RBMS1: variants seen among roughly 807,000 people sequenced by gnomAD.
RBMS1 encodes RNA-binding motif, single-stranded-interacting protein 1.
In RBMS1, 17 loss-of-function variants were observed where a neutral mutation model predicts 62.3. The observed-to-expected ratio is 0.27, with a 90% CI of 0.19 to 0.41. The LOEUF (loss-of-function observed/expected upper bound fraction) is 0.41, where lower values mean the gene tolerates loss of function less well. Ranked by LOEUF, RBMS1 falls within the 10% of genes least tolerant of loss-of-function variation. RBMS1 has a pLI of 1.00. For missense variants in RBMS1, 334 were observed against 504.5 expected, an observed-to-expected ratio of 0.66 and a Z score of 3.24; for synonymous variants, 172 against 170.0, an observed-to-expected ratio of 1.01 and a Z score of -0.09.
At chr2:160,394,992 T>C (rs539425751) in intron 1 of RBMS1, among the ~76,000 whole-genome samples, 1 of 152,326 alleles carries the variant, frequency 6.6e-6, no homozygotes, top group South Asian at 2.1e-4. Flanking sequence ...AACACTAAAA[T>C]GCAAAAGCTT....
At chr2:160,336,419 G>C (rs1239514424) in intron 2 of RBMS1, among the ~76,000 whole-genome samples, 1 of 152,054 alleles carries the variant, frequency 6.6e-6, no homozygotes, top group Non-Finnish European at 1.5e-5. Flanking sequence ...CTCTAAGAAA[G>C]AGGGAACAGG....
At chr2:160,398,650 T>TGTTG (rs1695272286) in intron 1 of RBMS1, among the ~76,000 whole-genome samples, 1 of 152,186 alleles carries the variant, frequency 6.6e-6, no homozygotes, top group Non-Finnish European at 1.5e-5. Flanking sequence ...CCCTCTCCAA[T>TGTTG]TTATTTTAAT....
At chr2:160,450,987 T>C (rs1240046700) in intron 1 of RBMS1, among the ~76,000 whole-genome samples, 2 of 152,002 alleles carry the variant, frequency 1.3e-5, no homozygotes, top group Non-Finnish European at 2.9e-5. Context: ...AGACCCCATC[T>C]CTACAAAAAA....
At chr2:160,468,627 T>C (rs1273048266) in intron 1 of RBMS1, among the ~76,000 whole-genome samples, 1 of 152,062 alleles carries the variant, frequency 6.6e-6, no homozygotes, top group Non-Finnish European at 1.5e-5. Flanking sequence ...CAGGTAAATT[T>C]GATCATTTGG....
intron 7 of RBMS1, 121 bp from the exon 8 acceptor site, chr2:160,285,165 G>C (rs1418550985): frequency 1.1e-6 from 1 of 933,330 alleles, no homozygotes; most frequent in East Asian, 2.5e-5. Context: ...GCTGAGGTGG[G>C]AAGATCCTTT....
intron 1 of RBMS1, among the ~76,000 whole-genome samples, chr2:160,371,339 C>A (rs879917610): frequency 1.3e-5 from 2 of 152,172 alleles, no homozygotes; most frequent in Non-Finnish European, 2.9e-5. Flanking sequence ...TGCCTTGGAA[C>A]GTGAAAAGAC....
At chr2:160,463,966 C>T (rs1684575179) in intron 1 of RBMS1, among the ~76,000 whole-genome samples, 1 of 152,010 alleles carries the variant, frequency 6.6e-6, no homozygotes, top group Non-Finnish European at 1.5e-5. Context: ...GCAGTTAAGC[C>T]ACCTACGATG....
chr2:160,363,047 T>C (rs562559290), intron 2 of RBMS1, among the ~76,000 whole-genome samples: 4 of 152,322 alleles, frequency 2.6e-5, no homozygotes, highest in African/African-American at 7.2e-5. Context: ...TCAGAGACAA[T>C]TGTGTTGTAG....
intron 2 of RBMS1, among the ~76,000 whole-genome samples, chr2:160,351,942 A>G (rs1482419883): frequency 6.6e-6 from 1 of 152,134 alleles, no homozygotes; most frequent in Non-Finnish European, 1.5e-5. Flanking sequence ...TGGCAAAAAT[A>G]TATGCAACAC....
At chr2:160,329,076 T>C (rs1012156390) in intron 2 of RBMS1, among the ~76,000 whole-genome samples, 1 of 152,180 alleles carries the variant, frequency 6.6e-6, no homozygotes, top group East Asian at 1.9e-4. Flanking sequence ...GACTGAACAC[T>C]AACGCTGGCT....
chr2:160,361,697 T>G (rs903114564), intron 2 of RBMS1, among the ~76,000 whole-genome samples: 4 of 152,188 alleles, frequency 2.6e-5, no homozygotes, highest in Non-Finnish European at 5.9e-5. Flanking sequence ...GGTGCACACC[T>G]GTAACTCCAG....
intron 1 of RBMS1, among the ~76,000 whole-genome samples, chr2:160,404,725 A>G (rs928448960): frequency 1.3e-5 from 2 of 152,336 alleles, no homozygotes; most frequent in South Asian, 2.1e-4. Context: ...CCACATTTTT[A>G]TATCAATGCT....
At chr2:160,479,990 T>C (rs1027760047) in intron 1 of RBMS1, among the ~76,000 whole-genome samples, 2 of 152,032 alleles carry the variant, frequency 1.3e-5, no homozygotes, top group Non-Finnish European at 2.9e-5. Flanking sequence ...AAAATACATA[T>C]ATATATAAGA....
intron 1 of RBMS1, among the ~76,000 whole-genome samples, chr2:160,398,755 G>C (rs181075449): frequency 2.0e-5 from 3 of 152,076 alleles, no homozygotes; most frequent in East Asian, 3.9e-4. Context: ...CTGAGCCCCA[G>C]AGCAAAAAAG....
chr2:160,447,197 G>A (rs1242932653), intron 1 of RBMS1, among the ~76,000 whole-genome samples: 2 of 152,078 alleles, frequency 1.3e-5, no homozygotes, highest in Non-Finnish European at 2.9e-5. Flanking sequence ...TTCAAGGTCC[G>A]AGAATGTGGC....
chr2:160,281,276 A>C lies in RBMS1; in HGVS notation c.951+38T>G. On this transcript the variant is annotated intron_variant, in intron 10 of 13. Coordinates refer to ENST00000348849, the MANE Select transcript of RBMS1 (RefSeq NM_016836.4). ...CCTAGAGAGAATATACACATAACTT[A>C]CTTGTAAAACACAAAGTCATTAAGA... is the stretch of plus-strand genomic sequence containing the variant. The C allele has an allele frequency of 2.0e-6, 3 of 1,530,448 alleles. No homozygotes were observed. The South Asian group carries it at 3.6e-5, about 19-fold the overall frequency. The allele number at this position is 1,530,448 out of a possible 1,614,324, so 94.8% of individuals were successfully genotyped here. A position where few individuals can be genotyped will look rare whatever the true frequency, so the allele number is the denominator to read the frequency against.
intron 2 of RBMS1, among the ~76,000 whole-genome samples, chr2:160,354,544 T>C (rs1029555362): frequency 6.6e-6 from 1 of 152,152 alleles, no homozygotes; most frequent in Non-Finnish European, 1.5e-5. Flanking sequence ...CCTGTCCAAA[T>C]GGGCTAGCAG....
intron 1 of RBMS1, among the ~76,000 whole-genome samples, chr2:160,385,918 G>C (rs965041875): frequency 7.2e-5 from 11 of 152,188 alleles, no homozygotes; most frequent in Non-Finnish European, 1.5e-4. Flanking sequence ...CTGGGTTTCT[G>C]TGGTAACCTG....
At chr2:160,470,751 G>A (rs1050876372) in intron 1 of RBMS1, among the ~76,000 whole-genome samples, 7 of 152,004 alleles carry the variant, frequency 4.6e-5, no homozygotes, top group Admixed American at 1.3e-4. Flanking sequence ...TACTGTACTC[G>A]CTCTCAGAGT....
Sources: gnomAD v4.1 joint callset for allele counts (sites outside exome capture counted in the v4.1 genomes callset) on GRCh38, gnomAD v4.1.1 for gene constraint, MANE v1.5 for transcripts, NCBI Gene and HGNC (gene_info 2026-07-23, HGNC 2026-07-21) for gene names.